Variants in SLIT2 observed in about 807,000 individuals in gnomAD.
SLIT2 encodes the protein slit homolog 2 protein.
Under a neutral mutation model 185.7 loss-of-function variants are expected in SLIT2, and 41 were observed. That is an observed-to-expected ratio of 0.22 (90% confidence interval 0.17 to 0.29). The LOEUF (loss-of-function observed/expected upper bound fraction) is 0.29. Ranked by LOEUF, SLIT2 falls within the 10% of genes least tolerant of loss-of-function variation. The pLI, the probability that SLIT2 is intolerant of heterozygous loss-of-function variation, is 1.00. For synonymous variants in SLIT2, 693 were observed against 680.2 expected (o/e 1.02, Z -0.29); for missense variants, 1,571 against 1,909.0 (o/e 0.82, Z 3.30).
chr4:20,464,344 A>G (rs1340431362), intron 4 of SLIT2, among the ~76,000 whole-genome samples: 2 of 152,084 alleles, frequency 1.3e-5, no homozygotes, highest in African/African-American at 4.8e-5. Flanking sequence ...TCTCCACATC[A>G]TTGTCTGCTG....
At chr4:20,594,493 GGA>G (rs1453017963) in intron 30 of SLIT2, among the ~76,000 whole-genome samples, 1 of 151,890 alleles carries the variant, frequency 6.6e-6, no homozygotes, top group Non-Finnish European at 1.5e-5. Flanking sequence ...AATCACAACA[GGA>G]GAGTGTTGAG....
intron 21 of SLIT2, among the ~76,000 whole-genome samples, 185 bp from the exon 22 acceptor site, chr4:20,545,846 G>A (rs1723200475): frequency 1.3e-5 from 2 of 151,724 alleles, no homozygotes; most frequent in Admixed American, 1.3e-4. Context: ...CTGGACTCGT[G>A]GACAACTCTG....
intron 9 of SLIT2, among the ~76,000 whole-genome samples, chr4:20,497,684 G>A (rs1718346738): frequency 6.6e-6 from 1 of 152,072 alleles, no homozygotes; most frequent in Admixed American, 6.6e-5. Context: ...AGTTTAACTT[G>A]TTATTTGAAA....
Position 20,254,026 on chromosome 4 carries a change from C to G in SLIT2, c.179+32C>G. On this transcript the variant is annotated intron_variant, in intron 1 of 36. Transcript: ENST00000504154. The surrounding 1 kb of genome is among the most constrained non-coding windows in gnomAD (Gnocchi z 5.1). ...ATGCGCTCTTCGTCTTCCCCTCTCC[C>G]CATCCGGGCCGCGCACCCCTGCCTC... The G allele has an allele frequency of 1.3e-6, 2 of 1,583,678 alleles. No individual in the cohort carries two copies. The highest frequency in any genetic ancestry group is 1.7e-6 in the Non-Finnish European group (2 of 1,167,472).
chr4:20,537,094 T>A (rs1473555141), intron 18 of SLIT2, among the ~76,000 whole-genome samples: 1 of 152,216 alleles, frequency 6.6e-6, no homozygotes, highest in African/African-American at 2.4e-5. Flanking sequence ...TATAGTTAAC[T>A]TTTTGTTAAT....
chr4:20,342,717 CTTT>C (rs11373611), intron 4 of SLIT2, among the ~76,000 whole-genome samples: 5 of 69,680 alleles, frequency 7.2e-5, no homozygotes, highest in East Asian at 5.0e-4. Flanking sequence ...GACTATCGCA[CTTT>C]TTTTTTTTTT....
At chr4:20,292,529 G>A (rs1456961964) in intron 4 of SLIT2, among the ~76,000 whole-genome samples, 1 of 152,116 alleles carries the variant, frequency 6.6e-6, no homozygotes, top group Non-Finnish European at 1.5e-5. Context: ...GACGGAGAAG[G>A]AGAAGAAGGA....
intron 4 of SLIT2, among the ~76,000 whole-genome samples, chr4:20,464,666 CCT>C (rs1285449927): frequency 3.3e-5 from 5 of 152,100 alleles, no homozygotes; most frequent in African/African-American, 1.2e-4. Flanking sequence ...TACGTTGTAC[CCT>C]CTTAGGAAAC....
intron 4 of SLIT2, among the ~76,000 whole-genome samples, chr4:20,318,752 G>A (rs577826187): frequency 4.8e-4 from 73 of 152,026 alleles, no homozygotes; most frequent in Non-Finnish European, 6.8e-4. Context: ...TCAGTAACTT[G>A]ACATGTTTCT....
Position 20,533,709 on chromosome 4 carries a change from A to C in SLIT2, c.1826A>C (p.Lys609Thr), listed in dbSNP as rs1261332323. ...HKMFKGLESL[K>T]TLMLRSNRIT... ...ATGTTCAAGGGATTGGAAAGCCTCA[A>C]AACTTTGTAAGTATTTGTACTTGCA... is the stretch of plus-strand genomic sequence containing the variant. The change falls in exon 18 of 37, where the codon AAA becomes ACA. Residue 609 changes from lysine (K) to threonine (T), a missense_variant. Lys to Thr is a moderately conservative substitution (Grantham distance 78). Around this residue, in one of 3 missense-constraint regions of SLIT2, gnomAD observed 1,202 missense variants for 1,416.4 expected, o/e 0.85. Transcript: ENST00000504154. 1 of 1,610,892 alleles carries C rather than the reference A, an allele frequency of 6.2e-7. No homozygotes were observed. The highest frequency in any genetic ancestry group is 1.7e-5 in the Admixed American group (1 of 59,344).
chr4:20,478,175 G>C (rs368864451), intron 5 of SLIT2, among the ~76,000 whole-genome samples: 1 of 152,232 alleles, frequency 6.6e-6, no homozygotes, highest in Middle Eastern at 3.4e-3. Flanking sequence ...TCAAAAAATT[G>C]ACAGGTTAAT....
At position 20,316,503 on chromosome 4, in the gene SLIT2, A is replaced by G. The variant is rs76289738; in HGVS notation, c.395+47622A>G. The stretch of plus-strand genomic sequence containing the variant: ...TTGGATCCCAGTATATTTGGTCTTT[A>G]TTTTAGTTTAACAGGTCTCACATAA... On this transcript the variant is annotated intron_variant, in intron 4 of 36. Transcript: ENST00000504154. 2.7e-4 allele frequency among the ~76,000 whole-genome samples: 41 copies of G among 151,996 alleles called. 1 individual carries two copies. In the East Asian group the frequency reaches 3.1e-3, roughly 11 times the overall value.
At chr4:20,526,554 T>C (rs1207939188) in intron 15 of SLIT2, among the ~76,000 whole-genome samples, 1 of 152,200 alleles carries the variant, frequency 6.6e-6, no homozygotes, top group African/African-American at 2.4e-5. Context: ...AACTATTTCA[T>C]TTAAATATAC....
intron 11 of SLIT2, among the ~76,000 whole-genome samples, chr4:20,512,539 G>A (rs998737683): frequency 5.9e-5 from 9 of 152,100 alleles, no homozygotes; most frequent in Admixed American, 6.5e-5. Flanking sequence ...AAAATATAGC[G>A]TGTAGTCATG....
chr4:20,602,061 T>C (rs1578005645), intron 33 of SLIT2, among the ~76,000 whole-genome samples: 2 of 152,212 alleles, frequency 1.3e-5, no homozygotes, highest in East Asian at 3.8e-4. Context: ...AATACACTTA[T>C]TAATTCTATA....
rs1721534385 is a variant in SLIT2, at chr4:20,528,886, C to A, written c.1463-63C>A. The A allele has an allele frequency of 7.3e-7, 1 of 1,366,922 alleles. No individual in the cohort carries two copies. The allele number at this position is 1,366,922 out of a possible 1,614,324, so 84.7% of individuals were successfully genotyped here. ...TAGTTATCTTACTTTTTTCTTCCTA[C>A]AAACTAATAAATTTTCTAACCTTTA... is the stretch of plus-strand genomic sequence containing the variant. On this transcript the variant is annotated intron_variant, in intron 15 of 36. Transcript: ENST00000504154. This position sits in a 1 kb window ranked among gnomAD's most constrained non-coding sequence, Gnocchi z 4.2.
intron 4 of SLIT2, among the ~76,000 whole-genome samples, chr4:20,343,192 A>G (rs980353630): frequency 6.6e-6 from 1 of 152,098 alleles, no homozygotes; most frequent in African/African-American, 2.4e-5. Context: ...GTACCCATTA[A>G]CCAGCCTCTC....
chr4:20,574,613 CCT>C (rs1180864016), intron 29 of SLIT2, among the ~76,000 whole-genome samples: 2 of 151,784 alleles, frequency 1.3e-5, no homozygotes, highest in African/African-American at 4.8e-5. Context: ...ATGGTGAAAC[CCT>C]GTCTCTACTA....
rs201542345 is a variant in SLIT2, at chr4:20,256,322, G to GGGC, written c.180-348_180-347insCGG. Among the ~76,000 whole-genome samples the GGGC allele has an allele frequency of 9.6e-3, 1,443 of 150,412 alleles. 53 individuals are homozygous for GGGC. The East Asian group carries it at 0.1, about 11-fold the overall frequency. On this transcript the variant is annotated intron_variant, in intron 1 of 36. Transcript: ENST00000504154. Reference sequence around the variant, plus strand: ...CTGAAGGGAACTTTTTTTTTGGGGGGGGTGCCTAACAATTATAGTAAAATA... The same window carrying GGGC: ...CTGAAGGGAACTTTTTTTTTGGGGGGGGCGGTGCCTAACAATTATAGTAAAATA...
Sources: allele counts gnomAD v4.1 joint callset (sites outside exome capture counted in the v4.1 genomes callset), GRCh38; gene constraint gnomAD v4.1.1; regional missense constraint gnomAD v4.1.1; non-coding constraint Gnocchi (gnomAD v3.1); transcripts MANE v1.5; gene names NCBI Gene and HGNC (gene_info 2026-07-23, HGNC 2026-07-21).